SHC4: variants seen among roughly 807,000 people sequenced by gnomAD.
The protein encoded by SHC4 is SHC adaptor protein 4, also known as SHC-transforming protein 4.
Under a neutral mutation model 69.4 loss-of-function variants are expected in SHC4, and 41 were observed. The observed-to-expected ratio is 0.59, with a 90% CI of 0.46 to 0.77. The LOEUF is 0.77. SHC4 is among the 30% of genes least tolerant of loss of function. The pLI, the probability that SHC4 is intolerant of heterozygous loss-of-function variation, is 0.00. For synonymous variants in SHC4, 318 were observed against 299.3 expected (o/e 1.06, Z -0.64); for missense variants, 777 against 783.8 (o/e 0.99, Z 0.10).
chr15:48,880,614 G>C (rs1346451709), intron 4 of SHC4, among the ~76,000 whole-genome samples: 6 of 152,082 alleles, frequency 3.9e-5, no homozygotes, highest in Non-Finnish European at 8.8e-5. Context: ...AAAGAGGTGG[G>C]GGTGGGAAAC....
intron 3 of SHC4, among the ~76,000 whole-genome samples, chr15:48,889,347 C>T (rs1900091894): frequency 6.6e-6 from 1 of 152,084 alleles, no homozygotes; most frequent in Non-Finnish European, 1.5e-5. Context: ...TGGGTTCAGC[C>T]CTATGTAATA....
intron 2 of SHC4, among the ~76,000 whole-genome samples, chr15:48,893,939 G>A (rs1054453595): frequency 5.9e-5 from 9 of 152,202 alleles, no homozygotes; most frequent in African/African-American, 1.4e-4. Context: ...GTGACAGAGC[G>A]AGGCCCTGCC....
intron 2 of SHC4, among the ~76,000 whole-genome samples, chr15:48,893,161 C>T (rs1228035100): frequency 6.6e-6 from 1 of 152,056 alleles, no homozygotes; most frequent in East Asian, 1.9e-4. Context: ...GAATACCTCT[C>T]AAGGAGGTTT....
intron 2 of SHC4, among the ~76,000 whole-genome samples, chr15:48,906,543 C>G (rs1900408947): frequency 1.3e-5 from 2 of 152,146 alleles, no homozygotes; most frequent in East Asian, 1.9e-4. Flanking sequence ...TACCATGGAA[C>G]TACCATATTG....
At chr15:48,944,451 C>T (rs929710154) in intron 1 of SHC4, among the ~76,000 whole-genome samples, 1 of 152,160 alleles carries the variant, frequency 6.6e-6, no homozygotes, top group South Asian at 2.1e-4. Context: ...TTTGCCATTC[C>T]TTCTTCCTGC....
At chr15:48,870,655 T>C (rs546856172) in intron 5 of SHC4, among the ~76,000 whole-genome samples, 1 of 150,926 alleles carries the variant, frequency 6.6e-6, no homozygotes, top group African/African-American at 2.4e-5. Context: ...CCAGCCTGAG[T>C]GACAAGAGTG....
chr15:48,883,756 A>G (rs1162836030), intron 4 of SHC4, among the ~76,000 whole-genome samples: 2 of 152,238 alleles, frequency 1.3e-5, no homozygotes, highest in African/African-American at 2.4e-5. Flanking sequence ...TACCTTTTAT[A>G]CAATAACATT....
intron 3 of SHC4, among the ~76,000 whole-genome samples, chr15:48,887,568 T>G (rs1041038825): frequency 2.0e-5 from 3 of 151,752 alleles, no homozygotes; most frequent in Admixed American, 2.0e-4. Context: ...CAGAAAGGTC[T>G]TAAGTCAAAA....
intron 4 of SHC4, among the ~76,000 whole-genome samples, chr15:48,883,670 T>C (rs1899983468): frequency 6.6e-6 from 1 of 152,254 alleles, no homozygotes; most frequent in South Asian, 2.1e-4. Flanking sequence ...TCAGCAATGC[T>C]GTTCTTTGAG....
At position 48,825,882 on chromosome 15, in the gene SHC4, T is replaced by C; in HGVS notation, c.*89A>G. The C allele has an allele frequency of 6.7e-7, 1 of 1,486,330 alleles. No homozygotes were observed. The highest frequency in any genetic ancestry group is 9.1e-7 in the Non-Finnish European group (1 of 1,102,090). 92.1% of individuals were successfully genotyped at this position (1,486,330 alleles called of 1,614,324 possible). A position where few individuals can be genotyped will look rare whatever the true frequency, so the allele number is the denominator to read the frequency against. On this transcript the variant is annotated 3_prime_UTR_variant, in exon 12 of 12. Coordinates refer to ENST00000332408, the MANE Select transcript of SHC4 (RefSeq NM_203349.4). ...ATGCACTTCACAGTTTGTGCTCTAT[T>C]TTATCTACAAACAAAGTTTAAATTA...
intron 4 of SHC4, chr15:48,878,140 C>A (rs747159989): frequency 6.6e-7 from 1 of 1,518,736 alleles, no homozygotes; most frequent in Non-Finnish European, 8.8e-7. Flanking sequence ...ATCTGTCTTG[C>A]TGGAAGCTTT....
At chr15:48,872,946 G>A (rs1356921517) in intron 4 of SHC4, among the ~76,000 whole-genome samples, 1 of 152,120 alleles carries the variant, frequency 6.6e-6, no homozygotes, top group African/African-American at 2.4e-5. Flanking sequence ...TTTCAAAATT[G>A]TGTGACAGAA....
chr15:48,855,868 G>C (rs932441166), intron 8 of SHC4, 85 bp downstream of exon 8: 1 of 1,390,766 alleles, frequency 7.2e-7, no homozygotes, highest in Non-Finnish European at 9.8e-7. Context: ...CTCTAAACTA[G>C]CATTTGGAAA....
chr15:48,908,848 A>T (rs1329479637), intron 2 of SHC4, among the ~76,000 whole-genome samples: 1 of 152,156 alleles, frequency 6.6e-6, no homozygotes, highest in African/African-American at 2.4e-5. Flanking sequence ...TTTGTTGAAG[A>T]TCAGTTGGCT....
chr15:48,918,115 T>TA (rs141984514), intron 2 of SHC4, among the ~76,000 whole-genome samples: 2,052 of 152,346 alleles, frequency 0.013, 44 homozygotes, highest in East Asian at 0.1. Flanking sequence ...TAGAGATAGC[T>TA]ATGATCACAC....
intron 6 of SHC4, among the ~76,000 whole-genome samples, chr15:48,859,476 G>A (rs908528884): frequency 1.3e-5 from 2 of 152,120 alleles, no homozygotes; most frequent in African/African-American, 4.8e-5. Context: ...TTGAAACCCA[G>A]TTAAGAATAT....
chr15:48,856,487 T>C (rs534218423), intron 7 of SHC4, among the ~76,000 whole-genome samples: 2 of 152,298 alleles, frequency 1.3e-5, no homozygotes, highest in East Asian at 3.9e-4. Flanking sequence ...ACTTTGATTG[T>C]TCCATTTTGG....
chr15:48,852,594 A>T (rs955806149), intron 8 of SHC4, among the ~76,000 whole-genome samples: 1 of 152,184 alleles, frequency 6.6e-6, no homozygotes, highest in Non-Finnish European at 1.5e-5. Context: ...AAGCTTACAG[A>T]AGAGGTCTCA....
chr15:48,954,637 T>G (rs2141041213), intron 1 of SHC4, among the ~76,000 whole-genome samples: 1 of 152,330 alleles, frequency 6.6e-6, no homozygotes, highest in East Asian at 1.9e-4. Flanking sequence ...AGGCAGGCCC[T>G]CCCTGGTGAG....
Sources: gnomAD v4.1 joint callset for allele counts (sites outside exome capture counted in the v4.1 genomes callset) on GRCh38, gnomAD v4.1.1 for gene constraint, MANE v1.5 for transcripts, NCBI Gene and HGNC (gene_info 2026-07-23, HGNC 2026-07-21) for gene names.